The following ADRA1A variants were observed in gnomAD, a reference collection of about 807,000 sequenced individuals.
The protein encoded by ADRA1A is alpha-1A adrenergic receptor.
In ADRA1A, 31 loss-of-function variants were observed where a neutral mutation model predicts 29.6. The ratio of observed to expected loss-of-function variants is 1.05; its 90% CI spans 0.79 to 1.41. The LOEUF (loss-of-function observed/expected upper bound fraction) is 1.41, where lower values mean the gene tolerates loss of function less well. Among genes scored for constraint, ADRA1A ranks in the 40% most tolerant of loss-of-function variants. The pLI is 0.00. For missense variants in ADRA1A, 619 were observed against 601.1 expected (o/e 1.03, Z -0.31); for synonymous variants, 311 against 254.3 (o/e 1.22, Z -2.12).
chr8:26,803,352 T>C lies in ADRA1A; in HGVS notation c.884-32686A>G, dbSNP rs141007631. Among the ~76,000 whole-genome samples, 196 of 152,290 alleles carry C rather than the reference T, an allele frequency of 1.3e-3. 3 individuals carry two copies. In the East Asian group the frequency reaches 0.036, roughly 28 times the overall value. Reference sequence around the variant, plus strand: ...AAATATGTCATGTACTCCATAAATGTATCCTACTATGTATCCATAAAAATT... The same window carrying C: ...AAATATGTCATGTACTCCATAAATGCATCCTACTATGTATCCATAAAAATT... On this transcript the variant is annotated intron_variant, in intron 2 of 2. Coordinates refer to ENST00000380573, the MANE Select transcript of ADRA1A (RefSeq NM_000680.4).
In ADRA1A at chr8:26,768,910, T is replaced by A; in HGVS notation, c.*1239A>T. On this transcript the variant is annotated 3_prime_UTR_variant, in exon 3 of 3. Transcript: ENST00000380573. The stretch of plus-strand genomic sequence containing the variant: ...AAAAGTAGGAATAGATGAAGTTGAG[T>A]TGACTACTGGATCTTTTACCAGAAC... The A allele has an allele frequency of 1.0e-6, 1 of 985,456 alleles. No individual in the cohort carries two copies. Among genetic ancestry groups the A allele is most frequent in the Non-Finnish European group, 1.2e-6 (1 of 829,932 alleles). 61.0% of individuals were successfully genotyped at this position (985,456 alleles called of 1,614,324 possible).
rs1346325824 is a variant in ADRA1A at position 26,815,224 on chromosome 8, T to C, written c.884-44558A>G. Reference sequence around the variant, plus strand: ...AACAGTCTTAAATAGATACTTGAAATCACATGCAGATTTCCTTTTCTGGAA... The same window carrying C: ...AACAGTCTTAAATAGATACTTGAAACCACATGCAGATTTCCTTTTCTGGAA... On this transcript the variant is annotated intron_variant, in intron 2 of 2. Coordinates refer to ENST00000380573, the MANE Select transcript of ADRA1A (RefSeq NM_000680.4). The surrounding 1 kb of genome is among the most constrained non-coding windows in gnomAD (Gnocchi z 4.2). Among the ~76,000 whole-genome samples the C allele has an allele frequency of 2.6e-5, 4 of 152,204 alleles. No homozygotes were observed. The highest frequency in any genetic ancestry group is 5.9e-5 in the Non-Finnish European group (4 of 68,030).
At chr8:26,756,862 T>G (rs1365670254) in intron 2 of ADRA1A, 2 of 1,555,960 alleles carry the variant, frequency 1.3e-6, no homozygotes, top group Admixed American at 1.9e-5. Flanking sequence ...TGATCACAAT[T>G]TTATCCTTTT....
At chr8:26,862,425 A>G (rs1045744714) in intron 2 of ADRA1A, among the ~76,000 whole-genome samples, 8 of 152,166 alleles carry the variant, frequency 5.3e-5, no homozygotes, top group African/African-American at 1.7e-4. Context: ...ACATTTTAGG[A>G]TACAATCATT....
At position 26,806,800 on chromosome 8, in the gene ADRA1A, A is replaced by T. The variant is rs1251733753; in HGVS notation, c.884-36134T>A. On this transcript the variant is annotated intron_variant, in intron 2 of 2. Transcript: ENST00000380573. The surrounding 1 kb of genome is among the most constrained non-coding windows in gnomAD (Gnocchi z 4.6). ...GCTGCTAGAAGTGGCCTCATGGAAC[A>T]TCCTAGAAAAGGAGAACCAGCCACA... is the stretch of plus-strand genomic sequence containing the variant. Among the ~76,000 whole-genome samples the T allele has an allele frequency of 2.6e-5, 4 of 152,164 alleles. No homozygotes were observed. The highest frequency in any genetic ancestry group is 9.7e-5 in the African/African-American group (4 of 41,440).
At chr8:26,820,229 T>C (rs1249680860) in intron 2 of ADRA1A, among the ~76,000 whole-genome samples, 1 of 152,220 alleles carries the variant, frequency 6.6e-6, no homozygotes, top group Non-Finnish European at 1.5e-5. Context: ...ACTTGAATTA[T>C]ACTACATACC....
At position 26,866,152 on chromosome 8, in the gene ADRA1A, C is replaced by A. The variant is rs1457094950; in HGVS notation, c.-686-497G>T. On this transcript the variant is annotated intron_variant, in intron 1 of 2. Coordinates refer to ENST00000380573, the MANE Select transcript of ADRA1A (RefSeq NM_000680.4). This position sits in a 1 kb window ranked among gnomAD's most constrained non-coding sequence, Gnocchi z 5.7. ...CGACCCAGGGACCTCAGGGCCAGGA[C>A]CACGAGCACGCTCACTCTCACGCCG... Among the ~76,000 whole-genome samples, 1 of 152,164 alleles carries A rather than the reference C, an allele frequency of 6.6e-6. No homozygotes were observed. Among genetic ancestry groups the A allele is most frequent in the Non-Finnish European group, 1.5e-5 (1 of 68,032 alleles).
At chr8:26,788,117 G>A (rs778795803) in intron 2 of ADRA1A, among the ~76,000 whole-genome samples, 1 of 152,104 alleles carries the variant, frequency 6.6e-6, no homozygotes, top group Non-Finnish European at 1.5e-5. Flanking sequence ...CATATTCACA[G>A]AGAAATGTGC....
intron 2 of ADRA1A, among the ~76,000 whole-genome samples, chr8:26,817,487 T>G (rs55648206): frequency 6.6e-6 from 1 of 152,150 alleles, no homozygotes; most frequent in Non-Finnish European, 1.5e-5. Context: ...CTTATAAAGT[T>G]AAACATACGA....
At chr8:26,839,114 A>T (rs1483088771) in intron 2 of ADRA1A, among the ~76,000 whole-genome samples, 2 of 152,154 alleles carry the variant, frequency 1.3e-5, no homozygotes, top group Admixed American at 6.5e-5. Flanking sequence ...ATTAGAAAGT[A>T]ATAAGGGTGC....
rs1563325669 is a variant in ADRA1A at position 26,867,168 on chromosome 8, AG to A, written c.-920del. On this transcript the variant is annotated 5_prime_UTR_variant, in exon 1 of 3. Coordinates refer to ENST00000380573, the MANE Select transcript of ADRA1A (RefSeq NM_000680.4). The stretch of plus-strand genomic sequence containing the variant: ...TTTTAAAAAGAGTCAAAATAAGAAA[AG>A]AAAAAAAAATGCAGATAACCGGTAA... The A allele has an allele frequency of 1.0e-6, 1 of 985,302 alleles. No homozygotes were observed. The highest frequency in any genetic ancestry group is 1.7e-5 in the African/African-American group (1 of 57,226). 61.0% of individuals were successfully genotyped at this position (985,302 alleles called of 1,614,324 possible).
rs73680937 is a variant in ADRA1A, at chr8:26,841,500, C to T, written c.883+22587G>A. Among the ~76,000 whole-genome samples the T allele has an allele frequency of 6.6e-6, 1 of 152,258 alleles. No homozygotes were observed. The highest frequency in any genetic ancestry group is 2.1e-4 in the South Asian group (1 of 4,826). On this transcript the variant is annotated intron_variant, in intron 2 of 2. Transcript: ENST00000380573. This position sits in a 1 kb window ranked among gnomAD's most constrained non-coding sequence, Gnocchi z 4.4. ...CTCCTTCTGTACTCATTTTTCTTTTCTTGGAAAAAAACAAAAACAAAATTG... is the reference window on the plus strand; with the variant it reads ...CTCCTTCTGTACTCATTTTTCTTTTTTTGGAAAAAAACAAAAACAAAATTG...
rs979743798 is a variant in ADRA1A at position 26,845,296 on chromosome 8, T to C, written c.883+18791A>G. ...GGCAAAGGATGTGAATAGATATAACTCCAAAGAAGTTACATGAATAGCCAA... is the reference window on the plus strand; with the variant it reads ...GGCAAAGGATGTGAATAGATATAACCCCAAAGAAGTTACATGAATAGCCAA... On this transcript the variant is annotated intron_variant, in intron 2 of 2. Coordinates refer to ENST00000380573, the MANE Select transcript of ADRA1A (RefSeq NM_000680.4). Among the ~76,000 whole-genome samples the C allele has an allele frequency of 1.3e-3, 205 of 152,112 alleles. 2 individuals are homozygous for C. The highest frequency in any genetic ancestry group is 2.6e-4 in the Non-Finnish European group (18 of 67,980).
Position 26,770,465 on chromosome 8 carries a change from G to C in ADRA1A, c.1085C>G (p.Pro362Arg), listed in dbSNP as rs764428220. The C allele has an allele frequency of 1.2e-6, 2 of 1,614,182 alleles. No homozygotes were observed. Among genetic ancestry groups the C allele is most frequent in the Non-Finnish European group, 1.7e-6 (2 of 1,180,028 alleles). The change falls in exon 3 of 3, where the codon CCG becomes CGG. Residue 362 changes from proline to arginine, a missense_variant. By Grantham distance (103) the Pro-to-Arg change is moderately radical. Transcript: ENST00000380573. ...TTGCCCTTCCACGGCCTGGCTGGGCGGGTGCAGGGTGTAGCCCAGGGCATG... is the reference window on the plus strand; with the variant it reads ...TTGCCCTTCCACGGCCTGGCTGGGCCGGTGCAGGGTGTAGCCCAGGGCATG... ...SKHALGYTLH[P>R]PSQAVEGQHK...
At chr8:26,817,673 G>C (rs1200255843) in intron 2 of ADRA1A, among the ~76,000 whole-genome samples, 1 of 152,140 alleles carries the variant, frequency 6.6e-6, no homozygotes, top group African/African-American at 2.4e-5. Context: ...AACCACTAGG[G>C]AGGCTGACAT....
chr8:26,785,002 T>C (rs1033519957), intron 2 of ADRA1A, among the ~76,000 whole-genome samples: 7 of 152,264 alleles, frequency 4.6e-5, no homozygotes, highest in Non-Finnish European at 8.8e-5. Context: ...AAAATACTCT[T>C]TAGGGGACAT....
chr8:26,854,893 G>A (rs956554378), intron 2 of ADRA1A, among the ~76,000 whole-genome samples: 9 of 152,150 alleles, frequency 5.9e-5, no homozygotes, highest in Admixed American at 3.3e-4. Flanking sequence ...GGGCCTTTGG[G>A]AGGTGATGCA....
In ADRA1A at chr8:26,806,362, G is replaced by A. The variant is rs568733596; in HGVS notation, c.884-35696C>T. Among the ~76,000 whole-genome samples, 7 of 150,930 alleles carry A rather than the reference G, an allele frequency of 4.6e-5. No individual in the cohort carries two copies. Among genetic ancestry groups the A allele is most frequent in the African/African-American group, 1.7e-4 (7 of 41,074 alleles). ...CTCTTCCCTTACTGTATAACAGATA[G>A]CAGGGTGCAAAAAGCCCTTTATCCT... is the stretch of plus-strand genomic sequence containing the variant. On this transcript the variant is annotated intron_variant, in intron 2 of 2. Transcript: ENST00000380573. This position sits in a 1 kb window ranked among gnomAD's most constrained non-coding sequence, Gnocchi z 4.6.
intron 2 of ADRA1A, among the ~76,000 whole-genome samples, chr8:26,801,977 C>T (rs1035965104): frequency 2.0e-5 from 3 of 152,138 alleles, no homozygotes; most frequent in Admixed American, 1.3e-4. Flanking sequence ...AAAGGTGCCA[C>T]GAATATACAC....
Sources: gnomAD v4.1 joint callset for allele counts (sites outside exome capture counted in the v4.1 genomes callset) on GRCh38, gnomAD v4.1.1 for gene constraint, Gnocchi (gnomAD v3.1) non-coding constraint, MANE v1.5 for transcripts, NCBI Gene and HGNC (gene_info 2026-07-23, HGNC 2026-07-21) for gene names.